ERBB4: variants seen among roughly 807,000 people sequenced by gnomAD.
ERBB4 encodes erb-b2 receptor tyrosine kinase 4, also known as receptor tyrosine-protein kinase erbB-4.
ERBB4 carries 42 observed loss-of-function variants against 158.0 expected under a neutral mutation model. That is an observed-to-expected ratio of 0.27 (90% confidence interval 0.21 to 0.34). The LOEUF is 0.34. Ranked by LOEUF, ERBB4 falls within the 10% of genes least tolerant of loss-of-function variation. ERBB4 has a pLI of 1.00. For synonymous variants in ERBB4, 583 were observed against 558.7 expected (o/e 1.04, Z -0.61); for missense variants, 1,333 against 1,624.1 (o/e 0.82, Z 3.08).
chr2:211,943,434 A>G (rs2080561620), intron 3 of ERBB4, among the ~76,000 whole-genome samples: 3 of 152,120 alleles, frequency 2.0e-5, no homozygotes, highest in Admixed American at 2.0e-4. Context: ...GGAAGACATG[A>G]TGTCCCCTGT....
chr2:212,488,997 C>A (rs1427274592), intron 1 of ERBB4, among the ~76,000 whole-genome samples: 9 of 148,494 alleles, frequency 6.1e-5, no homozygotes, highest in African/African-American at 2.2e-4. Flanking sequence ...TTTTAGGATA[C>A]CCCCCAAAGA....
chr2:211,404,126 A>G (rs965592363), intron 25 of ERBB4, among the ~76,000 whole-genome samples: 7 of 152,096 alleles, frequency 4.6e-5, no homozygotes, highest in South Asian at 2.1e-4. Flanking sequence ...CTGATCCTCA[A>G]TGTAACCTTT....
intron 3 of ERBB4, among the ~76,000 whole-genome samples, chr2:211,821,441 C>T (rs777621770): frequency 2.0e-5 from 3 of 151,872 alleles, no homozygotes; most frequent in Non-Finnish European, 4.4e-5. Flanking sequence ...AATGACCATA[C>T]TATCTAAAGC....
chr2:211,994,482 T>C (rs2082151211), intron 2 of ERBB4, among the ~76,000 whole-genome samples: 1 of 152,216 alleles, frequency 6.6e-6, no homozygotes, highest in South Asian at 2.1e-4. Flanking sequence ...AAATGTTTTA[T>C]CATCTAAAAA....
intron 1 of ERBB4, among the ~76,000 whole-genome samples, chr2:212,318,292 G>T (rs1560004133): frequency 6.6e-6 from 1 of 151,446 alleles, no homozygotes; most frequent in Admixed American, 6.6e-5. Flanking sequence ...TAAATTGGAG[G>T]TATTTAAAGT....
chr2:211,693,190 A>G (rs115113393), intron 12 of ERBB4, among the ~76,000 whole-genome samples: 2,467 of 152,288 alleles, frequency 0.016, 25 homozygotes, highest in Non-Finnish European at 0.026. Flanking sequence ...TGATTAGAAA[A>G]CTGAGCACAA....
At chr2:211,387,745 T>C (rs2062716860) in intron 26 of ERBB4, among the ~76,000 whole-genome samples, 200 bp downstream of exon 26, 1 of 152,216 alleles carries the variant, frequency 6.6e-6, no homozygotes, top group South Asian at 2.1e-4. Flanking sequence ...TGAAAGCTAC[T>C]GTTGATGCAT....
chr2:211,901,917 T>C (rs16847178), intron 3 of ERBB4, among the ~76,000 whole-genome samples: 27,943 of 152,078 alleles, frequency 0.18, 2,690 homozygotes, highest in South Asian at 0.29. Flanking sequence ...TCCTTAGACA[T>C]GGTGTGTAGG....
At chr2:212,208,034 C>T (rs1287833268) in intron 1 of ERBB4, among the ~76,000 whole-genome samples, 2 of 152,180 alleles carry the variant, frequency 1.3e-5, no homozygotes, top group East Asian at 3.9e-4. Context: ...TATTGTAATA[C>T]ATAAAAAACA....
chr2:212,050,339 C>A (rs1156468750), intron 2 of ERBB4, among the ~76,000 whole-genome samples: 2 of 152,174 alleles, frequency 1.3e-5, no homozygotes, highest in Non-Finnish European at 2.9e-5. Context: ...ATATCTAATG[C>A]AGTCAGTCAC....
rs1559585756 is a variant in ERBB4, at chr2:211,861,096, A to ATTT, written c.422-72938_422-72937insAAA. Among the ~76,000 whole-genome samples the ATTT allele has an allele frequency of 8.6e-3, 293 of 34,178 alleles. 29 individuals are homozygous for ATTT. The highest frequency in any genetic ancestry group is 0.026 in the African/African-American group (221 of 8,658). The allele number at this position is 34,178 out of a possible 152,430, so 22.4% of individuals were successfully genotyped here. A position where few individuals can be genotyped will look rare whatever the true frequency, so the allele number is the denominator to read the frequency against. ...TATTTATATATTATAAAATATATAAATACATTATATATATTTATATATATA... is the reference window on the plus strand; with the variant it reads ...TATTTATATATTATAAAATATATAAATTTTACATTATATATATTTATATATATA... On this transcript the variant is annotated intron_variant, in intron 3 of 27. Coordinates refer to ENST00000342788, the MANE Select transcript of ERBB4 (RefSeq NM_005235.3).
intron 25 of ERBB4, among the ~76,000 whole-genome samples, chr2:211,413,025 G>C (rs763911210): frequency 1.3e-5 from 2 of 151,868 alleles, no homozygotes; most frequent in Non-Finnish European, 2.9e-5. Context: ...GCCCAGTGCT[G>C]TGGCTCACGC....
intron 2 of ERBB4, among the ~76,000 whole-genome samples, chr2:211,949,334 CT>C (rs2080808966): frequency 6.6e-6 from 1 of 152,134 alleles, no homozygotes; most frequent in Admixed American, 6.6e-5. Context: ...AGACAAAATA[CT>C]TTTACTGATG....
At chr2:212,341,429 T>C (rs990270863) in intron 1 of ERBB4, among the ~76,000 whole-genome samples, 3 of 152,068 alleles carry the variant, frequency 2.0e-5, no homozygotes, top group African/African-American at 7.2e-5. Context: ...AATTCTGAAC[T>C]TTTTAGCTTC....
chr2:212,029,834 C>A (rs1372021132), intron 2 of ERBB4, among the ~76,000 whole-genome samples: 1 of 152,086 alleles, frequency 6.6e-6, no homozygotes, highest in Non-Finnish European at 1.5e-5. Flanking sequence ...GTAATCTATA[C>A]CACATCTGAA....
intron 1 of ERBB4, among the ~76,000 whole-genome samples, chr2:212,286,767 A>ATTTTTTTTTTGTTTTTTT (rs2085995744): frequency 5.1e-5 from 2 of 39,562 alleles, no homozygotes; most frequent in Non-Finnish European, 4.2e-5. Flanking sequence ...ATGAGGGTTA[A>ATTTTTTTTTTGTTTTTTT]TTTTTTTTTT....
intron 7 of ERBB4, among the ~76,000 whole-genome samples, chr2:211,718,732 A>G (rs2074002320): frequency 6.6e-6 from 1 of 152,184 alleles, no homozygotes; most frequent in Admixed American, 6.5e-5. Context: ...AAAACTAAAA[A>G]AAAAAAACAT....
chr2:211,624,347 T>C (rs766785876), intron 17 of ERBB4, among the ~76,000 whole-genome samples: 1 of 151,650 alleles, frequency 6.6e-6, no homozygotes, highest in Non-Finnish European at 1.5e-5. Flanking sequence ...AAGAAGGAAA[T>C]GCTGCCTTCT....
At chr2:212,536,258 A>T (rs4273173) in intron 1 of ERBB4, among the ~76,000 whole-genome samples, 2,608 of 149,170 alleles carry the variant, frequency 0.017, 78 homozygotes, top group African/African-American at 0.062. Flanking sequence ...TTGTTTTTAT[A>T]ATAGCACTGC....
Sources: gnomAD v4.1 joint callset for allele counts (sites outside exome capture counted in the v4.1 genomes callset) on GRCh38, gnomAD v4.1.1 for gene constraint, MANE v1.5 for transcripts, NCBI Gene and HGNC (gene_info 2026-07-23, HGNC 2026-07-21) for gene names.